The following ARHGEF40 variants were observed in gnomAD, a reference collection of about 807,000 sequenced individuals.
The protein encoded by ARHGEF40 is Rho guanine nucleotide exchange factor 40.
A neutral mutation model predicts 165.9 loss-of-function variants in ARHGEF40; 98 were observed. The ratio of observed to expected loss-of-function variants is 0.59; its 90% confidence interval spans 0.50 to 0.70. The LOEUF is 0.70. ARHGEF40 is among the 30% of genes least tolerant of loss of function. The pLI, the probability that ARHGEF40 is intolerant of heterozygous loss-of-function variation, is 0.00. For missense variants in ARHGEF40, 1,815 were observed against 1,968.0 expected, an observed-to-expected ratio of 0.92 and a Z score of 1.47; for synonymous variants, 792 against 814.3, an observed-to-expected ratio of 0.97 and a Z score of 0.47.
At chr14:21,067,364 T>C (rs1001346094), upstream of ARHGEF40, among the ~76,000 whole-genome samples, 1 of 152,176 alleles carries the variant, frequency 6.6e-6, no homozygotes, top group Non-Finnish European at 1.5e-5. Context: ...AAATTTAACT[T>C]TTTTAGCCTG....
At chr14:21,079,956 T>C (rs986370059) in intron 11 of ARHGEF40, among the ~76,000 whole-genome samples, 3 of 152,232 alleles carry the variant, frequency 2.0e-5, no homozygotes, top group East Asian at 1.9e-4. Flanking sequence ...ATCTATAGAA[T>C]GCGGATGGTA....
Position 21,082,396 on chromosome 14 carries a change from G to A in ARHGEF40, c.3404G>A (p.Ser1135Asn). ...CTGAGTGCCCGGGAAAGGCTTCGCA[G>A]CTTCCACCGGACACACTTTCTGCGG... ...AALSARERLR[S>N]FHRTHFLREL... The change falls in exon 15 of 24, where the codon AGC becomes AAC. Residue 1135 changes from serine (S) to asparagine (N), a missense_variant. Ser to Asn is a conservative substitution (Grantham distance 46). Coordinates refer to ENST00000298694, the MANE Select transcript of ARHGEF40 (RefSeq NM_018071.5). 1.2e-6 allele frequency: 2 copies of A among 1,611,668 alleles called. No individual in the cohort carries two copies. Among genetic ancestry groups the A allele is most frequent in the Non-Finnish European group, 8.5e-7 (1 of 1,179,428 alleles).
chr14:21,063,919 A>C, the ARHGEF40 span, among the ~76,000 whole-genome samples: 2 of 152,242 alleles, frequency 1.3e-5, no homozygotes, highest in South Asian at 2.1e-4. Context: ...CTAAGTATTC[A>C]AAACTCCCTT....
At chr14:21,076,172 T>C (rs1887401872) in intron 5 of ARHGEF40, among the ~76,000 whole-genome samples, 188 bp from the exon 6 acceptor site, 1 of 152,242 alleles carries the variant, frequency 6.6e-6, no homozygotes, top group Non-Finnish European at 1.5e-5. Flanking sequence ...CCCTGACTGC[T>C]AGGTGACTTC....
intron 10 of ARHGEF40, 25 bp downstream of exon 10, chr14:21,078,513 C>G: frequency 6.5e-7 from 1 of 1,536,024 alleles, no homozygotes; most frequent in Non-Finnish European, 8.8e-7. Flanking sequence ...TGTGCGGAGG[C>G]AGGTGGAAGT....
At chr14:21,079,148 G>C (rs1887674270) in intron 11 of ARHGEF40, 138 bp downstream of exon 11, 1 of 1,254,188 alleles carries the variant, frequency 8.0e-7, no homozygotes, top group Non-Finnish European at 1.1e-6. Flanking sequence ...CACATTTGTT[G>C]GTCAGTGTGA....
At chr14:21,062,727 G>GTGTGTT in the ARHGEF40 span, among the ~76,000 whole-genome samples, 1 of 150,686 alleles carries the variant, frequency 6.6e-6, no homozygotes, top group East Asian at 2.0e-4. Context: ...GTGTGTGTGT[G>GTGTGTT]TGTGTGTGTG....
chr14:21,071,831 C>G (rs1205266156), intron 1 of ARHGEF40, among the ~76,000 whole-genome samples: 1 of 152,232 alleles, frequency 6.6e-6, no homozygotes, highest in African/African-American at 2.4e-5. Flanking sequence ...GGGGGTCTGT[C>G]TGCTCGCCCA....
In ARHGEF40 at chr14:21,075,826, C is replaced by T; in HGVS notation, c.1739+61C>T. The T allele has an allele frequency of 6.4e-7, 1 of 1,574,226 alleles. No individual in the cohort carries two copies. Among genetic ancestry groups the T allele is most frequent in the Non-Finnish European group, 8.6e-7 (1 of 1,157,746 alleles). ...ACCTCCTGATTCATGAGGACCCTCA[C>T]CTCCTTCTTCTCAGGACACTGACCT... On this transcript the variant is annotated intron_variant, in intron 5 of 23. Coordinates refer to ENST00000298694, the MANE Select transcript of ARHGEF40 (RefSeq NM_018071.5). The surrounding 1 kb of genome is among the most constrained non-coding windows in gnomAD (Gnocchi z 4.5).
chr14:21,061,797 T>C, the ARHGEF40 span, among the ~76,000 whole-genome samples: 1 of 152,210 alleles, frequency 6.6e-6, no homozygotes, highest in East Asian at 1.9e-4. Flanking sequence ...ATGCACATGG[T>C]TTGAAATGAA....
At chr14:21,077,977 C>T (rs1887562972) in intron 8 of ARHGEF40, among the ~76,000 whole-genome samples, 200 bp from the exon 9 acceptor site, 1 of 152,242 alleles carries the variant, frequency 6.6e-6, no homozygotes, top group Non-Finnish European at 1.5e-5. Context: ...CTTTCTTATC[C>T]TGACTTTACA....
intron 17 of ARHGEF40, 116 bp downstream of exon 17, chr14:21,084,166 T>A (rs1888163070): frequency 9.2e-7 from 1 of 1,090,006 alleles, no homozygotes; most frequent in East Asian, 2.6e-5. Context: ...GGCTCTAATT[T>A]CTAACCAGCT....
Position 21,087,981 on chromosome 14 carries a change from T to C in ARHGEF40, c.4401T>C (p.Leu1467=). The C allele has an allele frequency of 3.7e-6, 6 of 1,614,082 alleles. No individual in the cohort carries two copies. Among genetic ancestry groups the C allele is most frequent in the Non-Finnish European group, 4.2e-6 (5 of 1,180,026 alleles). The part of the protein sequence containing the change: ...VKQISLAPET[L]DSSGDVSPGP... ...CTTCCCCTTCAGCCCCAGAAACACTTGACTCTTCTGGAGATGTGTCCCCAG... is the reference window on the plus strand; with the variant it reads ...CTTCCCCTTCAGCCCCAGAAACACTCGACTCTTCTGGAGATGTGTCCCCAG... Residue 1467 remains leucine (L), a synonymous_variant, in exon 22 of 24, where the codon CTT becomes CTC. Transcript: ENST00000298694.
chr14:21,082,278 T>G lies in ARHGEF40; in HGVS notation c.3286T>G (p.Cys1096Gly). 6.2e-7 allele frequency: 1 copy of G among 1,612,632 alleles called. No individual in the cohort carries two copies. The highest frequency in any genetic ancestry group is 8.5e-7 in the Non-Finnish European group (1 of 1,179,102). ...GCGGCTGGTGTCTGAGCTGATTGCC[T>G]GTGAACAAGATTACGTGGCCACCTT... ...QQRLVSELIA[C>G]EQDYVATLSE... Residue 1096 changes from cysteine to glycine, a missense_variant, in exon 15 of 24, where the codon TGT (cysteine) becomes GGT (glycine). By Grantham distance (159) the Cys-to-Gly change is radical. Transcript: ENST00000298694.
intron 18 of ARHGEF40, 60 bp downstream of exon 18, chr14:21,084,983 A>C: frequency 1.3e-6 from 2 of 1,572,190 alleles, no homozygotes; most frequent in Non-Finnish European, 1.7e-6. Flanking sequence ...TTGAGAACTC[A>C]GGATGTTCTG....
At chr14:21,066,961 C>T (rs944905506), upstream of ARHGEF40, among the ~76,000 whole-genome samples, 2 of 152,216 alleles carry the variant, frequency 1.3e-5, no homozygotes, top group African/African-American at 4.8e-5. Flanking sequence ...AACAAGAACA[C>T]GTGCTCTCAA....
upstream of ARHGEF40, among the ~76,000 whole-genome samples, chr14:21,069,209 A>G (rs1362447973): frequency 6.6e-6 from 1 of 151,438 alleles, no homozygotes; most frequent in Non-Finnish European, 1.5e-5. Context: ...CTCCTGGGAG[A>G]CCCCCCATCT....
chr14:21,090,118 C>A lies in ARHGEF40; in HGVS notation c.*1110C>A. 1 of 434,764 alleles carries A rather than the reference C, an allele frequency of 2.3e-6. No homozygotes were observed. The highest frequency in any genetic ancestry group is 4.6e-6 in the Non-Finnish European group (1 of 215,802). 26.9% of individuals were successfully genotyped at this position (434,764 alleles called of 1,614,324 possible). A position where few individuals can be genotyped will look rare whatever the true frequency, so the allele number is the denominator to read the frequency against. On this transcript the variant is annotated 3_prime_UTR_variant, in exon 24 of 24. Transcript: ENST00000298694. The surrounding 1 kb of genome is among the most constrained non-coding windows in gnomAD (Gnocchi z 4.4). ...CCTGTTTATTGGGGACACGACTCTG[C>A]AATAGGGATGACAGGAATCGTACCA... is the stretch of plus-strand genomic sequence containing the variant.
rs1308650311 is a variant in ARHGEF40, at chr14:21,075,544, G to C, written c.1618+45G>C. The C allele has an allele frequency of 5.0e-6, 8 of 1,613,350 alleles. No individual in the cohort carries two copies. The Admixed American group carries it at 1.0e-4, about 20-fold the overall frequency. ...TGAAGGGAAACAGGACTGGGAAAGA[G>C]AAGCAATTGGGTGGGCTTGGGGACT... On this transcript the variant is annotated intron_variant, in intron 4 of 23. Transcript: ENST00000298694. This position sits in a 1 kb window ranked among gnomAD's most constrained non-coding sequence, Gnocchi z 4.5.
Sources: gnomAD v4.1 joint callset for allele counts (sites outside exome capture counted in the v4.1 genomes callset) on GRCh38, gnomAD v4.1.1 for gene constraint, Gnocchi (gnomAD v3.1) non-coding constraint, MANE v1.5 for transcripts, NCBI Gene and HGNC (gene_info 2026-07-23, HGNC 2026-07-21) for gene names.